FBXL17: variants seen among roughly 807,000 people sequenced by gnomAD.
FBXL17 encodes the protein F-box/LRR-repeat protein 17.
FBXL17 carries 22 observed loss-of-function variants against 66.2 expected under a neutral mutation model. The observed-to-expected ratio is 0.33, with a 90% confidence interval of 0.24 to 0.47. FBXL17 has a LOEUF of 0.47. FBXL17 is among the 20% of genes least tolerant of loss of function. FBXL17 has a pLI of 1.00. For missense variants in FBXL17, 878 were observed against 948.2 expected (o/e 0.93, Z 0.97); for synonymous variants, 474 against 400.5 (o/e 1.18, Z -2.19).
At chr5:108,189,039 C>T (rs551010687) in intron 5 of FBXL17, among the ~76,000 whole-genome samples, 17 of 152,262 alleles carry the variant, frequency 1.1e-4, no homozygotes, top group Admixed American at 9.2e-4. Flanking sequence ...ATTGAAATCA[C>T]CCACAGTCAT....
intron 4 of FBXL17, among the ~76,000 whole-genome samples, chr5:108,243,558 T>C (rs756570410): frequency 3.9e-5 from 6 of 152,290 alleles, no homozygotes; most frequent in Non-Finnish European, 8.8e-5. Context: ...CTTCCCAAGA[T>C]TATACGTGAG....
At chr5:108,361,774 C>T (rs1295177994) in intron 3 of FBXL17, among the ~76,000 whole-genome samples, 2 of 152,018 alleles carry the variant, frequency 1.3e-5, no homozygotes. Context: ...TTAGGTAAAA[C>T]AGATATATAA....
At chr5:108,012,639 T>G (rs1184225388) in intron 7 of FBXL17, among the ~76,000 whole-genome samples, 2 of 152,196 alleles carry the variant, frequency 1.3e-5, no homozygotes, top group African/African-American at 4.8e-5. Context: ...TAATACTGAA[T>G]GCATACTATA....
intron 7 of FBXL17, among the ~76,000 whole-genome samples, chr5:107,949,236 T>C (rs947361092): frequency 6.6e-6 from 1 of 151,226 alleles, no homozygotes; most frequent in African/African-American, 2.4e-5. Context: ...TACTTATATA[T>C]ACAACAAGAG....
At chr5:108,143,540 T>C (rs1751442309) in intron 6 of FBXL17, among the ~76,000 whole-genome samples, 1 of 152,098 alleles carries the variant, frequency 6.6e-6, no homozygotes, top group Non-Finnish European at 1.5e-5. Context: ...CTCTTCTCTC[T>C]TCTGCTTTAC....
At chr5:108,098,286 G>C (rs114036383) in intron 6 of FBXL17, among the ~76,000 whole-genome samples, 1,648 of 152,176 alleles carry the variant, frequency 0.011, 40 homozygotes, top group African/African-American at 0.038. Context: ...AGGGTAGCTT[G>C]AACTCAGATG....
At chr5:107,986,403 G>C (rs1391267281) in intron 7 of FBXL17, among the ~76,000 whole-genome samples, 2 of 151,362 alleles carry the variant, frequency 1.3e-5, no homozygotes, top group African/African-American at 4.8e-5. Context: ...AAAGAAAAAA[G>C]CAATTTAAAC....
At chr5:108,020,673 AGT>A (rs963505336) in intron 7 of FBXL17, 58 of 275,830 alleles carry the variant, frequency 2.1e-4, no homozygotes, top group African/African-American at 1.1e-3. Flanking sequence ...ATTTTGTGTG[AGT>A]GTGTGTGTGC....
chr5:107,876,320 A>G (rs557319912), intron 8 of FBXL17, among the ~76,000 whole-genome samples: 1 of 152,346 alleles, frequency 6.6e-6, no homozygotes, highest in African/African-American at 2.4e-5. Context: ...GCATTTTCAA[A>G]TCAAATGAAC....
intron 7 of FBXL17, among the ~76,000 whole-genome samples, chr5:107,917,117 GA>G (rs1325914798): frequency 3.3e-5 from 5 of 152,134 alleles, no homozygotes; most frequent in Non-Finnish European, 4.4e-5. Context: ...AATATTAATA[GA>G]TTACTACCAC....
intron 4 of FBXL17, among the ~76,000 whole-genome samples, chr5:108,312,315 C>A (rs1251087429): frequency 6.6e-6 from 1 of 152,082 alleles, no homozygotes; most frequent in Admixed American, 6.6e-5. Flanking sequence ...CTACCCTATA[C>A]TTCTAATTTC....
At chr5:107,986,980 T>G (rs2112683120) in intron 7 of FBXL17, among the ~76,000 whole-genome samples, 1 of 152,112 alleles carries the variant, frequency 6.6e-6, no homozygotes, top group South Asian at 2.1e-4. Flanking sequence ...TTATACAAAT[T>G]TATTGACATG....
intron 7 of FBXL17, among the ~76,000 whole-genome samples, chr5:107,910,491 TA>T (rs1209880494): frequency 6.6e-6 from 1 of 152,046 alleles, no homozygotes; most frequent in Non-Finnish European, 1.5e-5. Flanking sequence ...AAGTATCCAT[TA>T]AAGCCATAAA....
In FBXL17 at chr5:108,187,062, T is replaced by C. The variant is rs1399185714; in HGVS notation, c.1615-815A>G. On this transcript the variant is annotated intron_variant, in intron 5 of 8. Transcript: ENST00000542267. ...CAAACTGTACTATTATGGGTATGTG[T>C]TTCATCATAAAATGATATAAAATGT... 2.0e-5 allele frequency among the ~76,000 whole-genome samples: 3 copies of C among 152,294 alleles called. No homozygotes were observed. The East Asian group carries it at 5.8e-4, about 29-fold the overall frequency.
intron 8 of FBXL17, among the ~76,000 whole-genome samples, chr5:107,877,423 G>T (rs535997844): frequency 1.3e-5 from 2 of 152,098 alleles, no homozygotes; most frequent in Non-Finnish European, 2.9e-5. Context: ...GTCGTGGGGG[G>T]AAACACTGTT....
chr5:108,123,971 G>A (rs1750600387), intron 6 of FBXL17, among the ~76,000 whole-genome samples: 1 of 152,044 alleles, frequency 6.6e-6, no homozygotes, highest in African/African-American at 2.4e-5. Context: ...CATTCTTTTT[G>A]AGAATATATT....
At chr5:108,195,417 A>G (rs993400075) in intron 5 of FBXL17, among the ~76,000 whole-genome samples, 28 of 152,160 alleles carry the variant, frequency 1.8e-4, no homozygotes, top group African/African-American at 6.5e-4. Context: ...AAACTGTCCC[A>G]GCACTTTGGA....
In FBXL17 at chr5:108,054,489, G is replaced by A. The variant is rs139812069; in HGVS notation, c.1746-33488C>T. ...GCATGTGGGGTATGTATGGCAGATAGTTGCTAGCTGGCAGAAGTGGAAGCT... is the reference window on the plus strand; with the variant it reads ...GCATGTGGGGTATGTATGGCAGATAATTGCTAGCTGGCAGAAGTGGAAGCT... On this transcript the variant is annotated intron_variant, in intron 6 of 8. Coordinates refer to ENST00000542267, the MANE Select transcript of FBXL17 (RefSeq NM_001163315.3). Among the ~76,000 whole-genome samples, 725 of 152,188 alleles carry A rather than the reference G, an allele frequency of 4.8e-3. 4 individuals carry two copies. Among genetic ancestry groups the A allele is most frequent in the African/African-American group, 0.017 (702 of 41,526 alleles).
In FBXL17 at chr5:107,931,849, T is replaced by G. The variant is rs559672026; in HGVS notation, c.1823-50670A>C. On this transcript the variant is annotated intron_variant, in intron 7 of 8. Coordinates refer to ENST00000542267, the MANE Select transcript of FBXL17 (RefSeq NM_001163315.3). The stretch of plus-strand genomic sequence containing the variant: ...CCATTTCTATTAACATAACTACCAC[T>G]CGGTATTATATTTCTACATCTTTTC... Among the ~76,000 whole-genome samples, 10 of 152,286 alleles carry G rather than the reference T, an allele frequency of 6.6e-5. No homozygotes were observed. The South Asian group carries it at 2.1e-3, about 32-fold the overall frequency.
Sources: allele counts gnomAD v4.1 joint callset (sites outside exome capture counted in the v4.1 genomes callset), GRCh38; gene constraint gnomAD v4.1.1; transcripts MANE v1.5; gene names NCBI Gene and HGNC (gene_info 2026-07-23, HGNC 2026-07-21).